The following ZNF761 variants were observed in gnomAD, a reference collection of about 807,000 sequenced individuals.
The protein encoded by ZNF761 is zinc finger protein 761.
Under a neutral mutation model 59.9 loss-of-function variants are expected in ZNF761, and 43 were observed. The ratio of observed to expected loss-of-function variants is 0.72; its 90% CI spans 0.56 to 0.92. ZNF761 has a LOEUF of 0.92. ZNF761 is among the 40% of genes least tolerant of loss of function. The pLI, the probability that ZNF761 is intolerant of heterozygous loss-of-function variation, is 0.00. For missense variants in ZNF761, 850 were observed against 906.1 expected, an observed-to-expected ratio of 0.94 and a Z score of 0.79; for synonymous variants, 294 against 304.8, an observed-to-expected ratio of 0.96 and a Z score of 0.37.
rs2086264273 is a variant in ZNF761 at position 53,455,860 on chromosome 19, A to G, written c.1353A>G (p.Ser451=). Residue 451 remains serine, a synonymous_variant, in exon 5 of 5, where the codon TCA becomes TCG. Coordinates refer to ENST00000684525, the MANE Select transcript of ZNF761 (RefSeq NM_001289951.2). ...GTGGAAAGACCTTTAGCCGGACATCATCCCTTACATGCCATCGTAGACGTC... is the reference window on the plus strand; with the variant it reads ...GTGGAAAGACCTTTAGCCGGACATCGTCCCTTACATGCCATCGTAGACGTC... ...NECGKTFSRT[S]SLTCHRRRHT... 6 of 1,613,706 alleles carry G rather than the reference A, an allele frequency of 3.7e-6. No homozygotes were observed. Among genetic ancestry groups the G allele is most frequent in the African/African-American group, 1.3e-5 (1 of 74,928 alleles).
chr19:53,451,905 A>G (rs1276104408), intron 4 of ZNF761, among the ~76,000 whole-genome samples: 2 of 151,924 alleles, frequency 1.3e-5, no homozygotes, highest in African/African-American at 4.8e-5. Context: ...AGTTTTTAAA[A>G]CATGTTATTG....
intron 1 of ZNF761, among the ~76,000 whole-genome samples, chr19:53,434,907 T>G (rs1600079917): frequency 6.6e-6 from 1 of 152,326 alleles, no homozygotes; most frequent in East Asian, 1.9e-4. Flanking sequence ...TGGTAACTTC[T>G]GGTCTACATG....
In ZNF761 at chr19:53,455,080, C is replaced by T. The variant is rs765117900; in HGVS notation, c.573C>T (p.Asn191=). The part of the protein sequence containing the change: ...SCRPKTHISN[N]HGNNFWNSSL... ...GGCCCAAAACCCATATATCTAATAA[C>T]CATGGGAATAATTTCTGGAATTCTT... Residue 191 remains asparagine, a synonymous_variant, in exon 5 of 5, where the codon AAC becomes AAT. Transcript: ENST00000684525. 5 of 1,614,102 alleles carry T rather than the reference C, an allele frequency of 3.1e-6. No individual in the cohort carries two copies. The South Asian group carries it at 4.4e-5, about 14-fold the overall frequency.
chr19:53,450,643 C>T (rs771682028), intron 4 of ZNF761, among the ~76,000 whole-genome samples: 3 of 152,074 alleles, frequency 2.0e-5, no homozygotes, highest in Admixed American at 6.5e-5. Context: ...CTCACTCTGT[C>T]GCCAAGGCTA....
Position 53,456,734 on chromosome 19 carries a change from G to T in ZNF761, c.2227G>T (p.Glu743Ter), listed in dbSNP as rs753988146. The T allele has an allele frequency of 6.2e-7, 1 of 1,613,690 alleles. No homozygotes were observed. The highest frequency in any genetic ancestry group is 1.1e-5 in the South Asian group (1 of 91,054). ...ATGCCATCGTAGACTTCATACTGGA[G>T]AAAAACAAGTGTAATGAATGTGGTG... Reference protein sequence around the residue: ...LTCHRRLHTGEKQV With the variant: ...LTCHRRLHTG The change falls in exon 5 of 5, where the codon GAA (glutamate) becomes TAA (stop). Residue 743 changes from glutamate to a stop codon, truncating the protein, a stop_gained. Transcript: ENST00000684525. LOFTEE classifies it high-confidence loss of function.
intron 3 of ZNF761, 115 bp from the exon 4 acceptor site, chr19:53,449,397 T>A: frequency 6.2e-7 from 1 of 1,606,896 alleles, no homozygotes; most frequent in Non-Finnish European, 8.5e-7. Context: ...CTTACTCAGA[T>A]TTGTTAGAAC....
At chr19:53,449,674 C>T (rs1265894209) in intron 4 of ZNF761, 36 bp downstream of exon 4, 1 of 1,591,124 alleles carries the variant, frequency 6.3e-7, no homozygotes, top group Non-Finnish European at 8.5e-7. Flanking sequence ...GGGAATGTGC[C>T]CTTGTGTATC....
intron 1 of ZNF761, chr19:53,444,326 T>A (rs2086131470): frequency 6.6e-6 from 1 of 152,214 alleles, no homozygotes; most frequent in South Asian, 2.1e-4. Flanking sequence ...TACATTCTAT[T>A]TACTGAGATA....
At chr19:53,449,171 A>G (rs2086192118) in intron 3 of ZNF761, among the ~76,000 whole-genome samples, 1 of 152,126 alleles carries the variant, frequency 6.6e-6, no homozygotes, top group Non-Finnish European at 1.5e-5. Flanking sequence ...TTCTGCTAAA[A>G]ATACAAAAAT....
At position 53,456,064 on chromosome 19, in the gene ZNF761, G is replaced by C; in HGVS notation, c.1557G>C (p.Glu519Asp). ...LTCHHRLHTG[E>D]KAYKCNECGK... ...GCCATCATAGACTTCATACTGGAGA[G>C]AAAGCTTACAAGTGTAATGAGTGCG... The change falls in exon 5 of 5, where the codon GAG (glutamate) becomes GAC (aspartate). Residue 519 changes from glutamate to aspartate, a missense_variant. Physicochemically the swap from Glu to Asp is conservative, Grantham distance 45. Transcript: ENST00000684525. 6.3e-7 allele frequency: 1 copy of C among 1,598,188 alleles called. No homozygotes were observed. The highest frequency in any genetic ancestry group is 1.1e-5 in the South Asian group (1 of 90,050).
At chr19:53,445,106 G>C (rs894730849) in intron 1 of ZNF761, 1 of 150,926 alleles carries the variant, frequency 6.6e-6, no homozygotes, top group African/African-American at 2.4e-5. Flanking sequence ...TCAGCCTCTC[G>C]AGTAGCTGAG....
intron 4 of ZNF761, among the ~76,000 whole-genome samples, chr19:53,453,978 C>CT (rs1015799084): frequency 0.012 from 1,725 of 146,594 alleles, 20 homozygotes; most frequent in African/African-American, 0.027. Flanking sequence ...ATTGTATTAA[C>CT]TTTTTTTTTT....
chr19:53,452,621 C>T (rs2086231520), intron 4 of ZNF761, among the ~76,000 whole-genome samples: 1 of 152,194 alleles, frequency 6.6e-6, no homozygotes, highest in Admixed American at 6.5e-5. Context: ...ATTTATTTCT[C>T]ATGAATTTGG....
intron 1 of ZNF761, among the ~76,000 whole-genome samples, chr19:53,438,966 A>G (rs1005805880): frequency 2.0e-5 from 3 of 152,134 alleles, no homozygotes; most frequent in African/African-American, 2.4e-5. Flanking sequence ...TCTGAGGCCA[A>G]TGTTTCTCTA....
chr19:53,442,859 G>T, intron 1 of ZNF761: 1 of 419,274 alleles, frequency 2.4e-6, no homozygotes, highest in Non-Finnish European at 4.4e-6. Flanking sequence ...AATGCATAAT[G>T]TCTTTAAAAA....
intron 1 of ZNF761, among the ~76,000 whole-genome samples, chr19:53,440,143 C>T (rs1443211966): frequency 7.1e-6 from 1 of 140,122 alleles, no homozygotes; most frequent in Non-Finnish European, 1.6e-5. Flanking sequence ...ATAGTGAGAC[C>T]CCCCCGTCTT....
chr19:53,454,128 C>T (rs570739825), intron 4 of ZNF761, among the ~76,000 whole-genome samples: 21 of 152,260 alleles, frequency 1.4e-4, no homozygotes, highest in African/African-American at 4.8e-4. Flanking sequence ...TGGGCCACCA[C>T]GCCTGGCTAC....
chr19:53,439,074 C>G (rs1356250621), intron 1 of ZNF761, among the ~76,000 whole-genome samples: 2 of 152,018 alleles, frequency 1.3e-5, no homozygotes, highest in Non-Finnish European at 2.9e-5. Context: ...AGTCCAAGAC[C>G]AGACTGGCCA....
chr19:53,449,184 A>G (rs2086192238), intron 3 of ZNF761, among the ~76,000 whole-genome samples: 1 of 151,998 alleles, frequency 6.6e-6, no homozygotes, highest in Non-Finnish European at 1.5e-5. Flanking sequence ...ACAAAAATTA[A>G]CTGGTTGTGG....
Sources: gnomAD v4.1 joint callset for allele counts (sites outside exome capture counted in the v4.1 genomes callset) on GRCh38, gnomAD v4.1.1 for gene constraint, MANE v1.5 for transcripts, NCBI Gene and HGNC (gene_info 2026-07-23, HGNC 2026-07-21) for gene names.